Variants in OGDH observed in about 807,000 individuals in gnomAD.
The protein encoded by OGDH is 2-oxoglutarate dehydrogenase complex component E1.
A neutral mutation model predicts 116.6 loss-of-function variants in OGDH; 38 were observed. The observed-to-expected ratio is 0.33, with a 90% confidence interval of 0.25 to 0.43. The LOEUF (loss-of-function observed/expected upper bound fraction) is 0.43, where lower values mean the gene tolerates loss of function less well. Among genes scored for constraint, OGDH ranks in the 20% least tolerant of loss-of-function variants. The pLI is 1.00. For synonymous variants in OGDH, 488 were observed against 533.3 expected (o/e 0.92, Z 1.17); for missense variants, 825 against 1,357.2 (o/e 0.61, Z 6.16).
chr7:44,697,541 C>T lies in OGDH; in HGVS notation c.2179+44C>T, dbSNP rs1329339392. ...ACCACCAGGGCCTGTCACCCACCCA[C>T]CCCCGCTGGGCCTACTGGCTGGTGT... On this transcript the variant is annotated intron_variant, in intron 16 of 22. Transcript: ENST00000222673. This position sits in a 1 kb window ranked among gnomAD's most constrained non-coding sequence, Gnocchi z 6.0. 1 of 1,613,254 alleles carries T rather than the reference C, an allele frequency of 6.2e-7. No homozygotes were observed. The highest frequency in any genetic ancestry group is 1.7e-5 in the Admixed American group (1 of 59,966).
At chr7:44,701,694 T>C (rs1036348735) in intron 20 of OGDH, 79 bp downstream of exon 20, 1 of 1,335,394 alleles carries the variant, frequency 7.5e-7, no homozygotes, top group Non-Finnish European at 1.1e-6. Context: ...TTACAGCTCA[T>C]GGGACTGACA....
intron 1 of OGDH, among the ~76,000 whole-genome samples, chr7:44,620,248 T>TG: frequency 6.6e-6 from 1 of 152,366 alleles, no homozygotes; most frequent in Admixed American, 6.5e-5. Flanking sequence ...CTCGAACCCC[T>TG]GACCTCAAGT....
At chr7:44,691,549 A>G (rs371374164) in intron 10 of OGDH, among the ~76,000 whole-genome samples, 2 of 150,230 alleles carry the variant, frequency 1.3e-5, no homozygotes, top group East Asian at 2.0e-4. Flanking sequence ...AAAAAAAAAA[A>G]GGTTTTTGTC....
Position 44,666,721 on chromosome 7 carries a change from C to T in OGDH, c.518-15C>T, listed in dbSNP as rs182050894. On this transcript the variant is annotated splice_polypyrimidine_tract_variant and intron_variant, in intron 4 of 22. Coordinates refer to ENST00000222673, the MANE Select transcript of OGDH (RefSeq NM_002541.4). ...CCCTCCTCATCTGGCTTGTCCTGCC[C>T]ACATCGCCCTGCAGGGTTCTATGGC... The T allele has an allele frequency of 1.7e-4, 264 of 1,554,616 alleles. 7 individuals are homozygous for T. The East Asian group carries it at 3.4e-3, about 20-fold the overall frequency.
chr7:44,665,429 G>A (rs980320857), intron 4 of OGDH, among the ~76,000 whole-genome samples: 1 of 151,932 alleles, frequency 6.6e-6, no homozygotes, highest in Non-Finnish European at 1.5e-5. Context: ...GATAAATAAA[G>A]GCTGTAGTTC....
At chr7:44,665,650 TAAG>T (rs1032870405) in intron 4 of OGDH, among the ~76,000 whole-genome samples, 2 of 152,254 alleles carry the variant, frequency 1.3e-5, no homozygotes, top group East Asian at 1.9e-4. Context: ...CAGGAAACAA[TAAG>T]AACATTTCAT....
chr7:44,638,759 G>A (rs1785788084), intron 2 of OGDH, among the ~76,000 whole-genome samples: 1 of 152,250 alleles, frequency 6.6e-6, no homozygotes, highest in African/African-American at 2.4e-5. Context: ...ACCTTTCAGT[G>A]AGTGGGCTTC....
chr7:44,616,873 GTATA>G (rs200704696), intron 1 of OGDH, among the ~76,000 whole-genome samples: 1 of 121,650 alleles, frequency 8.2e-6, no homozygotes, highest in Non-Finnish European at 1.7e-5. Context: ...ATATATATAC[GTATA>G]TATATATGTA....
chr7:44,632,417 C>G (rs1418832833), intron 2 of OGDH, among the ~76,000 whole-genome samples: 1 of 152,222 alleles, frequency 6.6e-6, no homozygotes, highest in Non-Finnish European at 1.5e-5. Context: ...TCCCCCACGC[C>G]TCAGCTTCCT....
intron 1 of OGDH, chr7:44,622,809 GCGT>G (rs1363774430): frequency 1.3e-5 from 2 of 152,108 alleles, no homozygotes; most frequent in African/African-American, 4.8e-5. Context: ...TCCACAGGCA[GCGT>G]CCTTGTGAAC....
chr7:44,696,737 C>T (rs531406716), intron 14 of OGDH, among the ~76,000 whole-genome samples, 177 bp from the exon 15 acceptor site: 6 of 152,318 alleles, frequency 3.9e-5, no homozygotes, highest in Admixed American at 1.3e-4. Context: ...GCCCTTAGCA[C>T]GATCCTACAC....
intron 4 of OGDH, among the ~76,000 whole-genome samples, chr7:44,654,391 C>T (rs1786593040): frequency 1.3e-5 from 2 of 152,204 alleles, no homozygotes; most frequent in South Asian, 4.1e-4. Context: ...AACCTGCTGT[C>T]ATTAACAGCA....
At chr7:44,648,502 G>T (rs993854608) in intron 4 of OGDH, among the ~76,000 whole-genome samples, 2 of 152,180 alleles carry the variant, frequency 1.3e-5, no homozygotes, top group Non-Finnish European at 2.9e-5. Context: ...CTAAAGAAAT[G>T]ATGATGTGAC....
rs2230446 is a variant in OGDH at position 44,693,972 on chromosome 7, A to C, written c.1483A>C (p.Ser495Arg). 176 of 1,613,612 alleles carry C rather than the reference A, an allele frequency of 1.1e-4. No homozygotes were observed. The highest frequency in any genetic ancestry group is 3.3e-4 in the Middle Eastern group (2 of 6,056). ...YVCKVAAEWR[S>R]TFHKDVVVDL... ...GTGCAAAGTGGCGGCCGAGTGGAGGAGCACCTTCCACAAGGACGTGGTTGT... is the reference window on the plus strand; with the variant it reads ...GTGCAAAGTGGCGGCCGAGTGGAGGCGCACCTTCCACAAGGACGTGGTTGT... Residue 495 changes from serine to arginine, a missense_variant, in exon 11 of 23, where the codon AGC (serine) becomes CGC (arginine). Physicochemically the swap from Ser to Arg is moderately radical, Grantham distance 110. This residue lies in a region of OGDH where 146 missense variants were observed against 317.3 expected (regional missense o/e 0.46). Transcript: ENST00000222673.
chr7:44,654,385 T>A (rs539146810), intron 4 of OGDH, among the ~76,000 whole-genome samples: 54 of 152,350 alleles, frequency 3.5e-4, no homozygotes, highest in African/African-American at 1.3e-3. Context: ...TCTGACAACC[T>A]GCTGTCATTA....
At chr7:44,696,154 A>G (rs1446640018) in intron 13 of OGDH, 27 bp downstream of exon 13, 1 of 1,467,824 alleles carries the variant, frequency 6.8e-7, no homozygotes, top group Non-Finnish European at 9.6e-7. Context: ...TGCCACAAAT[A>G]AGCTCCTTTG....
chr7:44,651,136 G>T (rs1786423653), intron 4 of OGDH, among the ~76,000 whole-genome samples: 1 of 152,238 alleles, frequency 6.6e-6, no homozygotes, highest in African/African-American at 2.4e-5. Context: ...TGATGATGCT[G>T]CCCTGAAAAC....
chr7:44,678,176 C>T (rs1787780046), intron 9 of OGDH, among the ~76,000 whole-genome samples: 1 of 152,028 alleles, frequency 6.6e-6, no homozygotes, highest in African/African-American at 2.4e-5. Flanking sequence ...AACCTGCAGC[C>T]CCCGCAGGCA....
intron 4 of OGDH, among the ~76,000 whole-genome samples, chr7:44,651,906 T>C (rs777332728): frequency 3.3e-5 from 5 of 152,022 alleles, no homozygotes; most frequent in Admixed American, 1.3e-4. Context: ...TTCACCACGT[T>C]GCCCAGGCTG....
Sources: allele counts gnomAD v4.1 joint callset (sites outside exome capture counted in the v4.1 genomes callset), GRCh38; gene constraint gnomAD v4.1.1; regional missense constraint gnomAD v4.1.1; non-coding constraint Gnocchi (gnomAD v3.1); transcripts MANE v1.5; gene names NCBI Gene and HGNC (gene_info 2026-07-23, HGNC 2026-07-21).